STON1: variants seen among roughly 807,000 people sequenced by gnomAD.
STON1 encodes stonin 1, also known as stonin-1.
In STON1, 79 loss-of-function variants were observed where a neutral mutation model predicts 60.9. That is an observed-to-expected ratio of 1.30 (90% CI 1.08 to 1.56). The LOEUF is 1.56. Ranked by LOEUF, STON1 falls within the 40% of genes most tolerant of loss-of-function variation. The probability of loss-of-function intolerance (pLI) is 0.00; values close to 1 mark genes in which losing one functional copy is unlikely to be tolerated. For missense variants in STON1, 1,166 were observed against 858.9 expected, an observed-to-expected ratio of 1.36 and a Z score of -4.47; for synonymous variants, 363 against 306.9, an observed-to-expected ratio of 1.18 and a Z score of -1.91.
chr2:48,595,020 C>T (rs1674720450), intron 3 of STON1, among the ~76,000 whole-genome samples: 2 of 152,088 alleles, frequency 1.3e-5, no homozygotes, highest in Non-Finnish European at 1.5e-5. Context: ...AGACTTGACC[C>T]TGGCGGGGAG....
intron 1 of STON1, among the ~76,000 whole-genome samples, chr2:48,558,968 T>C (rs1672499318): frequency 6.6e-6 from 1 of 152,230 alleles, no homozygotes. Flanking sequence ...CCTTTTCGAA[T>C]GCTGACCTGA....
At chr2:48,583,834 C>T (rs1453478150) in intron 2 of STON1, among the ~76,000 whole-genome samples, 1 of 151,686 alleles carries the variant, frequency 6.6e-6, no homozygotes, top group Non-Finnish European at 1.5e-5. Flanking sequence ...TTACTGCAAC[C>T]TCCGCCTCTC....
intron 3 of STON1, among the ~76,000 whole-genome samples, chr2:48,594,131 A>G (rs911920798): frequency 6.6e-6 from 1 of 151,438 alleles, no homozygotes; most frequent in Non-Finnish European, 1.5e-5. Flanking sequence ...TTCCTGCCTC[A>G]CTCCCCCATG....
At chr2:48,551,740 G>A (rs1389810484) in intron 1 of STON1, among the ~76,000 whole-genome samples, 1 of 152,238 alleles carries the variant, frequency 6.6e-6, no homozygotes, top group Non-Finnish European at 1.5e-5. Context: ...GAACCTGGCT[G>A]AAGTGTCAGG....
At chr2:48,570,456 C>T (rs1353074027) in intron 1 of STON1, among the ~76,000 whole-genome samples, 1 of 152,174 alleles carries the variant, frequency 6.6e-6, no homozygotes, top group South Asian at 2.1e-4. Context: ...TTGCTGATCA[C>T]CACTTAAAAT....
intron 2 of STON1, 120 bp downstream of exon 2, chr2:48,582,683 G>T: frequency 6.8e-7 from 1 of 1,459,868 alleles, no homozygotes; most frequent in Non-Finnish European, 9.1e-7. Context: ...GCTGTGCTTT[G>T]GGGTAGGAGA....
intron 1 of STON1, among the ~76,000 whole-genome samples, chr2:48,578,581 C>CTTTTTTTTTTTTTTTTTTTTTTTTTTTTT (rs59933765): frequency 1.5e-4 from 7 of 46,168 alleles, no homozygotes; most frequent in African/African-American, 3.7e-4. Flanking sequence ...CTCCTCCTTC[C>CTTTTTTTTTTTTTTTTTTTTTTTTTTTTT]TTTTTTTTTT....
chr2:48,566,783 C>T (rs1417030049), intron 1 of STON1, among the ~76,000 whole-genome samples: 1 of 152,164 alleles, frequency 6.6e-6, no homozygotes, highest in Non-Finnish European at 1.5e-5. Flanking sequence ...ACATTGAATT[C>T]TTCAGGCAGC....
Position 48,581,138 on chromosome 2 carries a change from G to A in STON1, c.505G>A (p.Asp169Asn). 6.3e-7 allele frequency: 1 copy of A among 1,579,360 alleles called. No individual in the cohort carries two copies. Among genetic ancestry groups the A allele is most frequent in the Non-Finnish European group, 8.6e-7 (1 of 1,168,746 alleles). The change falls in exon 2 of 4, where the codon GAT becomes AAT. Residue 169 changes from aspartate to asparagine, a missense_variant. Coordinates refer to ENST00000404752, the MANE Select transcript of STON1 (RefSeq NM_006873.4). ...TGAAAGCCTAGGATTCCAAAGTGATGATCTCCCCCAGTTTCAGTATTTTCG... is the reference window on the plus strand; with the variant it reads ...TGAAAGCCTAGGATTCCAAAGTGATAATCTCCCCCAGTTTCAGTATTTTCG... ...QAESLGFQSD[D>N]LPQFQYFRED...
At chr2:48,585,474 C>G (rs1027621619) in intron 2 of STON1, among the ~76,000 whole-genome samples, 2 of 152,052 alleles carry the variant, frequency 1.3e-5, no homozygotes, top group African/African-American at 2.4e-5. Flanking sequence ...GTCTCGAACT[C>G]CCAACCTCAG....
intron 1 of STON1, among the ~76,000 whole-genome samples, chr2:48,550,916 C>G (rs1305536416): frequency 1.3e-5 from 2 of 152,002 alleles, no homozygotes; most frequent in Non-Finnish European, 2.9e-5. Context: ...TGTTCAACCT[C>G]TAAGTGAGCA....
chr2:48,569,589 G>C (rs1673100625), intron 1 of STON1, among the ~76,000 whole-genome samples: 1 of 152,240 alleles, frequency 6.6e-6, no homozygotes, highest in African/African-American at 2.4e-5. Context: ...CTTAATAAAT[G>C]AGACATGCTC....
chr2:48,532,183 A>G (rs1671238903), intron 1 of STON1, among the ~76,000 whole-genome samples: 1 of 151,986 alleles, frequency 6.6e-6, no homozygotes, highest in African/African-American at 2.4e-5. Context: ...CCCCGTCTCT[A>G]TTAAAAATAC....
intron 1 of STON1, among the ~76,000 whole-genome samples, chr2:48,569,669 T>C (rs1469268181): frequency 6.6e-6 from 1 of 152,338 alleles, no homozygotes; most frequent in Admixed American, 6.5e-5. Context: ...GCTTGAAAGA[T>C]TTTATCTTCA....
Position 48,592,595 on chromosome 2 carries a change from C to CTATTATTATTAT in STON1, c.2133+766_2133+777dup, listed in dbSNP as rs3047606. ...TACAGCCACCCACCACCACACCCAGCTATTATTATTATTATTATTATTATT... is the reference window on the plus strand; with the variant it reads ...TACAGCCACCCACCACCACACCCAGCTATTATTATTATTATTATTATTATTATTATTATTATT... On this transcript the variant is annotated intron_variant, in intron 3 of 3. Coordinates refer to ENST00000404752, the MANE Select transcript of STON1 (RefSeq NM_006873.4). Among the ~76,000 whole-genome samples the CTATTATTATTAT allele has an allele frequency of 5.8e-3, 798 of 136,546 alleles. 6 individuals carry two copies. The highest frequency in any genetic ancestry group is 8.6e-3 in the African/African-American group (314 of 36,704). The allele number at this position is 136,546 out of a possible 152,430, so 89.6% of individuals were successfully genotyped here.
intron 2 of STON1, among the ~76,000 whole-genome samples, chr2:48,587,508 G>T (rs960688262): frequency 1.3e-5 from 2 of 152,114 alleles, no homozygotes; most frequent in Non-Finnish European, 2.9e-5. Context: ...GGCCAGGCTG[G>T]TCTCAAACTC....
intron 1 of STON1, among the ~76,000 whole-genome samples, chr2:48,570,107 GACAGATC>G (rs1673125015): frequency 1.3e-5 from 2 of 152,356 alleles, no homozygotes; most frequent in East Asian, 3.9e-4. Flanking sequence ...GGCCAAGGCA[GACAGATC>G]ACTTGAGGTC....
Position 48,581,743 on chromosome 2 carries a change from T to A in STON1, c.1110T>A (p.Pro370=), listed in dbSNP as rs3749144. The A allele has an allele frequency of 0.33, 528,856 of 1,611,728 alleles. 88,527 individuals are homozygous for A. Among genetic ancestry groups the A allele is most frequent in the East Asian group, 0.42 (18,967 of 44,866 alleles). ...YHSKTEVVHE[P]DIEQMLKLGS... is the part of the protein sequence containing the mutation. ...CTAAGACAGAAGTAGTTCATGAACC[T>A]GACATAGAGCAGATGCTGAAGTTGG... The change falls in exon 2 of 4, where the codon CCT becomes CCA. Residue 370 remains proline (P), a synonymous_variant. Transcript: ENST00000404752.
chr2:48,574,916 A>G (rs1248198642), intron 1 of STON1, among the ~76,000 whole-genome samples: 1 of 152,250 alleles, frequency 6.6e-6, no homozygotes, highest in Non-Finnish European at 1.5e-5. Flanking sequence ...TCAACTGTTA[A>G]AAACGGTGTT....
Sources: allele counts gnomAD v4.1 joint callset (sites outside exome capture counted in the v4.1 genomes callset), GRCh38; gene constraint gnomAD v4.1.1; transcripts MANE v1.5; gene names NCBI Gene and HGNC (gene_info 2026-07-23, HGNC 2026-07-21).